The following PCDHA10 variants were observed in gnomAD, a reference collection of about 807,000 sequenced individuals.
The protein encoded by PCDHA10 is protocadherin alpha-10.
PCDHA10 carries 45 observed loss-of-function variants against 61.2 expected under a neutral mutation model. The ratio of observed to expected loss-of-function variants is 0.74; its 90% CI spans 0.58 to 0.94. The LOEUF is 0.94. Ranked by LOEUF, PCDHA10 falls within the 40% of genes least tolerant of loss-of-function variation. The pLI is 0.00. For missense variants in PCDHA10, 1,278 were observed against 1,236.2 expected (o/e 1.03, Z -0.51); for synonymous variants, 602 against 548.8 (o/e 1.10, Z -1.35).
chr5:140,876,031 G>T (rs1554168208), intron 1 of PCDHA10: 1 of 1,613,702 alleles, frequency 6.2e-7, no homozygotes. Flanking sequence ...AACAAAAAAA[G>T]ATAAAAGTAT....
At chr5:140,997,918 A>G (rs2097790482) in intron 3 of PCDHA10, among the ~76,000 whole-genome samples, 1 of 152,220 alleles carries the variant, frequency 6.6e-6, no homozygotes, top group South Asian at 2.1e-4. Context: ...TTACAGAATC[A>G]TAGGATATAA....
chr5:140,916,092 A>T (rs1396935399), intron 1 of PCDHA10, among the ~76,000 whole-genome samples: 1 of 152,092 alleles, frequency 6.6e-6, no homozygotes, highest in Non-Finnish European at 1.5e-5. Flanking sequence ...GTCCACAGGG[A>T]ATCTGCCTGG....
intron 3 of PCDHA10, among the ~76,000 whole-genome samples, chr5:140,995,316 A>G (rs2097676169): frequency 1.3e-5 from 2 of 152,222 alleles, no homozygotes; most frequent in South Asian, 4.1e-4. Context: ...TTCTAAGTGA[A>G]CTAACAGGTG....
intron 1 of PCDHA10, among the ~76,000 whole-genome samples, chr5:140,960,605 A>G (rs1405858302): frequency 6.6e-6 from 1 of 152,184 alleles, no homozygotes; most frequent in Non-Finnish European, 1.5e-5. Flanking sequence ...TACTTCAACA[A>G]TATCTAGTGT....
rs1298083559 is a variant in PCDHA10, at chr5:140,858,734, T to C, written c.2388+298T>C. ...ATAGGTTGCAGTTCTGACGATTTAC[T>C]TTCATAATCACTTTTCGTTACAAAT... On this transcript the variant is annotated intron_variant, in intron 1 of 3. Coordinates refer to ENST00000307360, the MANE Select transcript of PCDHA10 (RefSeq NM_018901.4). The C allele has an allele frequency of 1.7e-5, 8 of 476,746 alleles. 1 individual carries two copies. Among genetic ancestry groups the C allele is most frequent in the East Asian group, 3.2e-5 (1 of 30,834 alleles). 29.5% of individuals were successfully genotyped at this position (476,746 alleles called of 1,614,324 possible).
At chr5:140,949,371 C>G (rs932971788) in intron 1 of PCDHA10, among the ~76,000 whole-genome samples, 1 of 151,712 alleles carries the variant, frequency 6.6e-6, no homozygotes, top group African/African-American at 2.4e-5. Flanking sequence ...GTCTAGTTGT[C>G]CTATCAATTG....
At chr5:140,917,238 G>A (rs144302098) in intron 1 of PCDHA10, among the ~76,000 whole-genome samples, 1 of 150,440 alleles carries the variant, frequency 6.6e-6, no homozygotes, top group Non-Finnish European at 1.5e-5. Flanking sequence ...TTAAATCTAG[G>A]TACTACGATT....
chr5:140,877,195 G>A, intron 1 of PCDHA10: 2 of 1,613,838 alleles, frequency 1.2e-6, no homozygotes, highest in East Asian at 2.2e-5. Context: ...CAGCGCAGGA[G>A]GCGCAGTTAG....
In PCDHA10 at chr5:140,857,043, A is replaced by T. The variant is rs201811819; in HGVS notation, c.995A>T (p.His332Leu). Reference sequence around the variant, plus strand: ...AAGGGAAACCCACCTATGGTTGGTCACTGCACGGTCCTAGTGGAACTACTG... The same window carrying T: ...AAGGGAAACCCACCTATGGTTGGTCTCTGCACGGTCCTAGTGGAACTACTG... The part of the protein sequence containing the change: ...TDKGNPPMVG[H>L]CTVLVELLDE... Residue 332 changes from histidine to leucine, a missense_variant, in exon 1 of 4, where the codon CAC (histidine) becomes CTC (leucine). Transcript: ENST00000307360. 81 of 1,595,818 alleles carry T rather than the reference A, an allele frequency of 5.1e-5. 4 individuals carry two copies. The highest frequency in any genetic ancestry group is 1.5e-5 in the Non-Finnish European group (18 of 1,165,582).
intron 1 of PCDHA10, among the ~76,000 whole-genome samples, chr5:140,888,214 G>GTGTGTGTGCA (rs1387597541): frequency 6.6e-6 from 1 of 152,130 alleles, no homozygotes; most frequent in Admixed American, 6.5e-5. Context: ...TGGATTTTGT[G>GTGTGTGTGCA]TGTGTGTGCA....
chr5:141,000,395 C>CTCTATAAA (rs1213762225), intron 3 of PCDHA10, among the ~76,000 whole-genome samples: 2 of 53,986 alleles, frequency 3.7e-5, no homozygotes, highest in African/African-American at 1.5e-4. Context: ...CTCTCTCTCT[C>CTCTATAAA]TATATATATA....
At chr5:140,950,579 A>G (rs2094498747) in intron 1 of PCDHA10, among the ~76,000 whole-genome samples, 1 of 151,956 alleles carries the variant, frequency 6.6e-6, no homozygotes, top group African/African-American at 2.4e-5. Flanking sequence ...TTTTCTACTT[A>G]CCTTTGGTTT....
intron 1 of PCDHA10, among the ~76,000 whole-genome samples, chr5:140,879,279 A>G (rs2057928398): frequency 2.0e-5 from 3 of 152,250 alleles, no homozygotes; most frequent in East Asian, 3.8e-4. Flanking sequence ...CAGACTCAAT[A>G]CAAATGATAA....
At chr5:140,885,291 G>A (rs1554182107) in intron 1 of PCDHA10, among the ~76,000 whole-genome samples, 6 of 152,132 alleles carry the variant, frequency 3.9e-5, no homozygotes, top group Non-Finnish European at 8.8e-5. Context: ...TATATAGAGA[G>A]AGACCTGGTA....
intron 1 of PCDHA10, among the ~76,000 whole-genome samples, chr5:140,947,922 C>T (rs2094193763): frequency 6.6e-6 from 1 of 151,450 alleles, no homozygotes; most frequent in Admixed American, 6.6e-5. Context: ...TTGCCTTAAC[C>T]CTGATCTTAT....
chr5:140,872,873 A>G (rs1419569928), intron 1 of PCDHA10, among the ~76,000 whole-genome samples: 1 of 152,204 alleles, frequency 6.6e-6, no homozygotes, highest in African/African-American at 2.4e-5. Flanking sequence ...GACAATTATC[A>G]GTTTCATTCA....
intron 1 of PCDHA10, among the ~76,000 whole-genome samples, chr5:140,942,598 A>C: frequency 7.1e-6 from 1 of 140,144 alleles, no homozygotes; most frequent in East Asian, 2.1e-4. Flanking sequence ...ATATAATTAT[A>C]GTGTTTATAT....
In PCDHA10 at chr5:140,928,891, T is replaced by A. The variant is rs1299939193; in HGVS notation, c.2389-50058T>A. On this transcript the variant is annotated intron_variant, in intron 1 of 3. Coordinates refer to ENST00000307360, the MANE Select transcript of PCDHA10 (RefSeq NM_018901.4). ...CTCTGTCCCTCAGTTACTTCCAGAC[T>A]TTGAAGATGTCTGGGAACCAGGAGG... 1.2e-6 allele frequency: 2 copies of A among 1,614,066 alleles called. No individual in the cohort carries two copies. The highest frequency in any genetic ancestry group is 2.7e-5 in the African/African-American group (2 of 74,942).
intron 1 of PCDHA10, among the ~76,000 whole-genome samples, chr5:140,940,086 A>G (rs373629874): frequency 6.6e-6 from 1 of 152,214 alleles, no homozygotes; most frequent in African/African-American, 2.4e-5. Flanking sequence ...TTTCTGCTAA[A>G]TTGAAACTTT....
Sources: allele counts gnomAD v4.1 joint callset (sites outside exome capture counted in the v4.1 genomes callset), GRCh38; gene constraint gnomAD v4.1.1; transcripts MANE v1.5; gene names NCBI Gene and HGNC (gene_info 2026-07-23, HGNC 2026-07-21).